ZNF121: variants seen among roughly 807,000 people sequenced by gnomAD.
ZNF121 encodes zinc finger protein 121, also known as zinc finger protein 121 (clone ZHC32).
In ZNF121, 1 loss-of-function variant was observed where a neutral mutation model predicts 2.4. The observed-to-expected ratio is 0.41, with a 90% CI of 0.15 to 1.94. The LOEUF is 1.94. ZNF121 is among the 30% of genes most tolerant of loss of function. The probability of loss-of-function intolerance (pLI) is 0.30; values close to 1 mark genes in which losing one functional copy is unlikely to be tolerated. For missense variants in ZNF121, 369 were observed against 466.3 expected (o/e 0.79, Z 1.92); for synonymous variants, 173 against 158.6 (o/e 1.09, Z -0.68).
chr19:9,567,750 C>A, intron 3 of ZNF121: 1 of 275,072 alleles, frequency 3.6e-6, no homozygotes, highest in South Asian at 4.4e-5. Flanking sequence ...TCATAAGGAG[C>A]ACACAATCTA....
At position 9,566,480 on chromosome 19, in the gene ZNF121, C is replaced by G. The variant is rs752348089; in HGVS notation, c.633G>C (p.Gly211=). The change falls in exon 4 of 4, where the codon GGG becomes GGC. Residue 211 remains glycine, a synonymous_variant. Transcript: ENST00000320451. ...QCKECGRAFA[G]RSGLTKHVRI... ...GTACATGTTTAGTAAGGCCTGAGCG[C>G]CCAGCGAAGGCTCTTCCACATTCCT... The G allele has an allele frequency of 6.2e-7, 1 of 1,613,918 alleles. No individual in the cohort carries two copies. Among genetic ancestry groups the G allele is most frequent in the Admixed American group, 1.7e-5 (1 of 59,996 alleles).
chr19:9,568,285 CA>C (rs2074148628), intron 2 of ZNF121, 110 bp from the exon 3 acceptor site: 6 of 480,538 alleles, frequency 1.2e-5, no homozygotes, highest in Admixed American at 3.4e-5. Context: ...TCAGCACACT[CA>C]AAAAAATTAA....
Position 9,563,977 on chromosome 19 carries a change from G to C in ZNF121, c.*1963C>G, listed in dbSNP as rs751581078. ...CCTACTAACCAAGAGCTCTTATGGA[G>C]GTATAAACAAGATTGGCGTTTTCAT... On this transcript the variant is annotated 3_prime_UTR_variant, in exon 4 of 4. Transcript: ENST00000320451. 6.6e-6 allele frequency: 1 copy of C among 152,134 alleles called. No individual in the cohort carries two copies. The highest frequency in any genetic ancestry group is 1.5e-5 in the Non-Finnish European group (1 of 68,040). The allele number at this position is 152,134 out of a possible 1,614,324, so 9.4% of individuals were successfully genotyped here. A position where few individuals can be genotyped will look rare whatever the true frequency, so the allele number is the denominator to read the frequency against.
chr19:9,573,567 G>C (rs1159217053), intron 1 of ZNF121, among the ~76,000 whole-genome samples: 1 of 152,190 alleles, frequency 6.6e-6, no homozygotes, highest in Non-Finnish European at 1.5e-5. Flanking sequence ...GCAAGTGCAA[G>C]GGGTAAGCTT....
At chr19:9,581,542 A>T (rs2144826440) in intron 1 of ZNF121, among the ~76,000 whole-genome samples, 1 of 152,276 alleles carries the variant, frequency 6.6e-6, no homozygotes, top group South Asian at 2.1e-4. Context: ...AAAGGCAAAA[A>T]GGAGAAAAAA....
chr19:9,568,260 TTTTA>T (rs2074148453), intron 2 of ZNF121, 85 bp from the exon 3 acceptor site: 3 of 602,096 alleles, frequency 5.0e-6, no homozygotes, highest in East Asian at 2.9e-5. Context: ...TAAAGCTCAT[TTTTA>T]TTTGTCATAT....
chr19:9,570,871 G>A (rs575328182), intron 1 of ZNF121, among the ~76,000 whole-genome samples: 10 of 152,230 alleles, frequency 6.6e-5, no homozygotes, highest in South Asian at 6.2e-4. Flanking sequence ...GTGAGCCACC[G>A]CACCCAGCCG....
At chr19:9,580,544 A>G (rs1171291644) in intron 1 of ZNF121, among the ~76,000 whole-genome samples, 2 of 152,100 alleles carry the variant, frequency 1.3e-5, no homozygotes, top group Non-Finnish European at 2.9e-5. Context: ...TAGAACTGTC[A>G]ATAGAGCTAC....
At chr19:9,583,943 A>AT (rs986321686) in intron 1 of ZNF121, among the ~76,000 whole-genome samples, 6 of 152,098 alleles carry the variant, frequency 3.9e-5, no homozygotes, top group Non-Finnish European at 7.4e-5. Context: ...CTAAACGACT[A>AT]TTTTTTTTCC....
chr19:9,577,751 A>G (rs961942358), intron 1 of ZNF121, among the ~76,000 whole-genome samples: 1 of 152,106 alleles, frequency 6.6e-6, no homozygotes, highest in Non-Finnish European at 1.5e-5. Context: ...CTGACCAAAA[A>G]AAACGAAGCT....
In ZNF121 at chr19:9,568,081, A is replaced by G; in HGVS notation, c.3+14T>C. 6.5e-7 allele frequency: 1 copy of G among 1,549,346 alleles called. No homozygotes were observed. The highest frequency in any genetic ancestry group is 8.8e-7 in the Non-Finnish European group (1 of 1,136,788). On this transcript the variant is annotated intron_variant, in intron 3 of 3. Coordinates refer to ENST00000320451, the MANE Select transcript of ZNF121 (RefSeq NM_001008727.5). ...CTTTTTTTGAGTGTGGTAAATAAGA[A>G]ATCTTAATCTTACCATTTGTATGCC...
At chr19:9,577,572 T>C (rs1386422912) in intron 1 of ZNF121, among the ~76,000 whole-genome samples, 3 of 151,944 alleles carry the variant, frequency 2.0e-5, no homozygotes, top group Admixed American at 6.6e-5. Flanking sequence ...AATGGGAAGA[T>C]ATTCCATGCT....
chr19:9,574,447 C>G (rs911067392), intron 1 of ZNF121, among the ~76,000 whole-genome samples: 5 of 152,122 alleles, frequency 3.3e-5, no homozygotes, highest in African/African-American at 1.2e-4. Context: ...AGCCACCGCG[C>G]CCGGCCCTAG....
chr19:9,574,257 T>C (rs148609134), intron 1 of ZNF121, among the ~76,000 whole-genome samples: 8,085 of 152,220 alleles, frequency 0.053, 397 homozygotes, highest in African/African-American at 0.11. Context: ...GCGATTCTCC[T>C]GCCTCAGCCT....
intron 1 of ZNF121, among the ~76,000 whole-genome samples, chr19:9,576,129 C>A (rs906996542): frequency 6.6e-6 from 1 of 152,096 alleles, no homozygotes; most frequent in African/African-American, 2.4e-5. Context: ...ACAACAAATT[C>A]AAAAATGTAG....
At position 9,565,353 on chromosome 19, in the gene ZNF121, C is replaced by CAAAAAAAAAAAAAAAAAAAAAAA. The variant is rs71185609; in HGVS notation, c.*564_*586dup. 1.3e-4 allele frequency: 4 copies of CAAAAAAAAAAAAAAAAAAAAAAA among 29,860 alleles called. No individual in the cohort carries two copies. Among genetic ancestry groups the CAAAAAAAAAAAAAAAAAAAAAAA allele is most frequent in the African/African-American group, 2.8e-4 (3 of 10,542 alleles). 1.8% of individuals were successfully genotyped at this position (29,860 alleles called of 1,614,324 possible). ...AAGAATGTGTATTAACAACGACTTACAAAAAAAAAAAAAAAAAAAAAAAAA... is the reference window on the plus strand; with the variant it reads ...AAGAATGTGTATTAACAACGACTTACAAAAAAAAAAAAAAAAAAAAAAAAAAAAAAAAAAAAAAAAAAAAAAAA... On this transcript the variant is annotated 3_prime_UTR_variant, in exon 4 of 4. Coordinates refer to ENST00000320451, the MANE Select transcript of ZNF121 (RefSeq NM_001008727.5).
intron 1 of ZNF121, among the ~76,000 whole-genome samples, chr19:9,579,143 A>G (rs1226643792): frequency 6.6e-6 from 1 of 152,228 alleles, no homozygotes; most frequent in Non-Finnish European, 1.5e-5. Context: ...ATGAGATGTC[A>G]TCTCACCTCA....
At chr19:9,572,117 TG>T (rs2074178481) in intron 1 of ZNF121, among the ~76,000 whole-genome samples, 1 of 152,210 alleles carries the variant, frequency 6.6e-6, no homozygotes, top group African/African-American at 2.4e-5. Context: ...GGTTCCAAAA[TG>T]GTAGTACAGA....
intron 2 of ZNF121, among the ~76,000 whole-genome samples, chr19:9,568,388 GAC>G (rs2074149741): frequency 6.7e-6 from 1 of 149,488 alleles, no homozygotes. Flanking sequence ...TTTTTTTTGA[GAC>G]AGAGTCTCGC....
Sources: allele counts gnomAD v4.1 joint callset (sites outside exome capture counted in the v4.1 genomes callset), GRCh38; gene constraint gnomAD v4.1.1; transcripts MANE v1.5; gene names NCBI Gene and HGNC (gene_info 2026-07-23, HGNC 2026-07-21).